The following KIAA2012 variants were observed in gnomAD, a reference collection of about 807,000 sequenced individuals.
KIAA2012 encodes the protein uncharacterized protein KIAA2012.
In KIAA2012, 125 loss-of-function variants were observed where a neutral mutation model predicts 150.6. The ratio of observed to expected loss-of-function variants is 0.83; its 90% CI spans 0.72 to 0.96. The LOEUF is 0.96. Among genes scored for constraint, KIAA2012 ranks in the 40% least tolerant of loss-of-function variants. The pLI is 0.00. For synonymous variants in KIAA2012, 462 were observed against 504.7 expected (o/e 0.92, Z 1.13); for missense variants, 1,219 against 1,354.9 (o/e 0.90, Z 1.57).
intron 15 of KIAA2012, among the ~76,000 whole-genome samples, chr2:202,175,260 C>T (rs1049621508): frequency 1.3e-5 from 2 of 152,190 alleles, no homozygotes; most frequent in Non-Finnish European, 2.9e-5. Flanking sequence ...GAAACTTGAT[C>T]AGATTCCGGT....
rs770465508 is a variant in KIAA2012, at chr2:202,103,105, C to T, written c.1315C>T (p.His439Tyr). The change falls in exon 8 of 24, where the codon CAC (histidine) becomes TAC (tyrosine). Residue 439 changes from histidine to tyrosine, a missense_variant. Physicochemically the swap from His to Tyr is moderately conservative, Grantham distance 83. Transcript: ENST00000498697. The stretch of plus-strand genomic sequence containing the variant: ...CAAACAACCCCCAAAAGAGAAAGCC[C>T]ACAGAAGAGGTAGGTCCCGGGTGCA... ...HTKQPPKEKAHRRGAPHPESE... is the reference protein window; with the variant it reads ...HTKQPPKEKAYRRGAPHPESE... 1.9e-6 allele frequency: 3 copies of T among 1,550,500 alleles called. No homozygotes were observed. The highest frequency in any genetic ancestry group is 1.7e-6 in the Non-Finnish European group (2 of 1,146,984).
chr2:202,102,822 A>G (rs1690082288), intron 7 of KIAA2012, 124 bp from the exon 8 acceptor site: 2 of 929,030 alleles, frequency 2.2e-6, no homozygotes, highest in Non-Finnish European at 3.2e-6. Context: ...TCCCAGCTGG[A>G]TTAGCTTACC....
intron 14 of KIAA2012, among the ~76,000 whole-genome samples, chr2:202,158,656 C>T (rs1449579338): frequency 6.6e-6 from 1 of 152,042 alleles, no homozygotes; most frequent in East Asian, 1.9e-4. Context: ...GCCACTGCAC[C>T]CAGCTGAGAC....
At chr2:202,193,228 CTG>C in intron 19 of KIAA2012, 71 bp from the exon 20 acceptor site, 1 of 1,390,954 alleles carries the variant, frequency 7.2e-7, no homozygotes, top group Non-Finnish European at 9.9e-7. Context: ...ACAACACTGT[CTG>C]GGGTGGAGAA....
In KIAA2012 at chr2:202,165,346, C is replaced by CAA; in HGVS notation, c.2110_2111dup (p.Asn704LysfsTer11). 1 of 1,550,254 alleles carries CAA rather than the reference C, an allele frequency of 6.5e-7. No individual in the cohort carries two copies. The highest frequency in any genetic ancestry group is 8.7e-7 in the Non-Finnish European group (1 of 1,146,752). Reference sequence around the variant, plus strand: ...GGAGACCCCTCAGAGAAACTCACCACAACGACCAAGGTACAGACCACTAGG... The same window carrying CAA: ...GGAGACCCCTCAGAGAAACTCACCACAAAACGACCAAGGTACAGACCACTAGG... On this transcript the variant is annotated frameshift_variant, in exon 15 of 24. Coordinates refer to ENST00000498697, the MANE Select transcript of KIAA2012 (RefSeq NM_001277372.4). LOFTEE classifies it high-confidence loss of function.
intron 21 of KIAA2012, among the ~76,000 whole-genome samples, 163 bp from the exon 22 acceptor site, chr2:202,196,637 T>A (rs2105752756): frequency 6.6e-6 from 1 of 152,176 alleles, no homozygotes; most frequent in South Asian, 2.1e-4. Flanking sequence ...AGTAAATTAA[T>A]CCCCAAGGTA....
intron 2 of KIAA2012, among the ~76,000 whole-genome samples, chr2:202,075,818 G>C (rs1291877882): frequency 6.6e-6 from 1 of 152,196 alleles, no homozygotes; most frequent in Non-Finnish European, 1.5e-5. Flanking sequence ...TAAAATTCTA[G>C]GTTAGAAATG....
intron 18 of KIAA2012, among the ~76,000 whole-genome samples, chr2:202,188,854 C>A (rs1191506720): frequency 6.6e-6 from 1 of 152,154 alleles, no homozygotes; most frequent in Non-Finnish European, 1.5e-5. Context: ...TGTCTTGGTT[C>A]CCTATGTTGA....
chr2:202,203,440 G>A (rs1191702798), intron 23 of KIAA2012, among the ~76,000 whole-genome samples: 1 of 152,106 alleles, frequency 6.6e-6, no homozygotes, highest in African/African-American at 2.4e-5. Context: ...GAGCTGCTTC[G>A]TGAGGCCATT....
chr2:202,127,524 A>G (rs1244534605), intron 12 of KIAA2012, among the ~76,000 whole-genome samples: 2 of 152,202 alleles, frequency 1.3e-5, no homozygotes, highest in Non-Finnish European at 2.9e-5. Flanking sequence ...GCTCAGATGA[A>G]CAGCAGAACA....
intron 21 of KIAA2012, among the ~76,000 whole-genome samples, chr2:202,194,595 G>A (rs942020273): frequency 1.4e-4 from 6 of 43,996 alleles, no homozygotes; most frequent in Non-Finnish European, 3.1e-4. Flanking sequence ...TTGCCCTTTC[G>A]GCATTGCTCA....
Position 202,105,676 on chromosome 2 carries a change from G to A in KIAA2012, c.1325-85G>A. ...CCAACCAAACCACATGGTGTGAGCAGGGAAGGGATAGGTCCCCAAAAGAAG... is the reference window on the plus strand; with the variant it reads ...CCAACCAAACCACATGGTGTGAGCAAGGAAGGGATAGGTCCCCAAAAGAAG... On this transcript the variant is annotated intron_variant, in intron 8 of 23. Transcript: ENST00000498697. The A allele has an allele frequency of 2.0e-6, 3 of 1,489,680 alleles. No individual in the cohort carries two copies. The Admixed American group carries it at 6.4e-5, about 32-fold the overall frequency. The allele number at this position is 1,489,680 out of a possible 1,614,324, so 92.3% of individuals were successfully genotyped here.
intron 13 of KIAA2012, among the ~76,000 whole-genome samples, chr2:202,148,917 G>A (rs915046740): frequency 3.3e-5 from 5 of 152,120 alleles, no homozygotes; most frequent in African/African-American, 1.2e-4. Flanking sequence ...ATCTCAGGGA[G>A]CCCACGGAGT....
intron 2 of KIAA2012, among the ~76,000 whole-genome samples, chr2:202,082,918 G>A (rs1447511050): frequency 6.6e-6 from 1 of 151,496 alleles, no homozygotes. Flanking sequence ...AAGAAACTGA[G>A]GCACAGGTGA....
chr2:202,171,316 T>G (rs1017884740), intron 15 of KIAA2012, among the ~76,000 whole-genome samples: 2 of 152,116 alleles, frequency 1.3e-5, no homozygotes, highest in Non-Finnish European at 2.9e-5. Flanking sequence ...GAGGCCAAAG[T>G]GGTCCAGCAG....
intron 2 of KIAA2012, among the ~76,000 whole-genome samples, chr2:202,088,604 C>T (rs1213438253): frequency 6.6e-6 from 1 of 152,132 alleles, no homozygotes; most frequent in Non-Finnish European, 1.5e-5. Context: ...GGAGTGAGAG[C>T]GTGCACCCTC....
intron 11 of KIAA2012, among the ~76,000 whole-genome samples, chr2:202,123,597 C>T (rs1280429385): frequency 2.0e-5 from 3 of 152,112 alleles, no homozygotes; most frequent in Non-Finnish European, 4.4e-5. Flanking sequence ...TTGTCAAGCC[C>T]CACCGCAGTT....
intron 13 of KIAA2012, among the ~76,000 whole-genome samples, chr2:202,142,544 T>C (rs1483278969): frequency 6.6e-6 from 1 of 152,234 alleles, no homozygotes; most frequent in Non-Finnish European, 1.5e-5. Context: ...AAACCATAAT[T>C]TCTAATTTTG....
At chr2:202,103,286 T>C (rs1351219139) in intron 8 of KIAA2012, among the ~76,000 whole-genome samples, 172 bp downstream of exon 8, 1 of 152,226 alleles carries the variant, frequency 6.6e-6, no homozygotes, top group Non-Finnish European at 1.5e-5. Flanking sequence ...TCTGATCATA[T>C]TCAATTGGAT....
Sources: allele counts gnomAD v4.1 joint callset (sites outside exome capture counted in the v4.1 genomes callset), GRCh38; gene constraint gnomAD v4.1.1; transcripts MANE v1.5; gene names NCBI Gene and HGNC (gene_info 2026-07-23, HGNC 2026-07-21).